Variants in DLGAP1 observed in about 807,000 individuals in gnomAD.
The protein encoded by DLGAP1 is DLG associated protein 1, also known as disks large-associated protein 1.
In DLGAP1, 11 loss-of-function variants were observed where a neutral mutation model predicts 90.8. That is an observed-to-expected ratio of 0.12 (90% CI 0.08 to 0.20). The LOEUF (loss-of-function observed/expected upper bound fraction) is 0.20. Among genes scored for constraint, DLGAP1 ranks in the 10% least tolerant of loss-of-function variants. DLGAP1 has a pLI of 1.00. For missense variants in DLGAP1, 1,050 were observed against 1,333.8 expected, an observed-to-expected ratio of 0.79 and a Z score of 3.31; for synonymous variants, 558 against 540.7, an observed-to-expected ratio of 1.03 and a Z score of -0.44.
chr18:4,352,090 A>G (rs1203670815), intron 1 of DLGAP1, among the ~76,000 whole-genome samples: 2 of 152,192 alleles, frequency 1.3e-5, no homozygotes, highest in Admixed American at 6.5e-5. Context: ...GCATCAAGCC[A>G]CCTGTTTGAA....
At chr18:4,240,338 C>T (rs2078506137) in intron 1 of DLGAP1, among the ~76,000 whole-genome samples, 1 of 151,932 alleles carries the variant, frequency 6.6e-6, no homozygotes, top group Non-Finnish European at 1.5e-5. Context: ...AGAATGACCA[C>T]TATAATGCCT....
chr18:4,284,130 G>C (rs142139928), intron 1 of DLGAP1, among the ~76,000 whole-genome samples: 10 of 151,402 alleles, frequency 6.6e-5, no homozygotes, highest in African/African-American at 2.4e-4. Flanking sequence ...TATGATTATA[G>C]GTGCACTATG....
intron 1 of DLGAP1, among the ~76,000 whole-genome samples, chr18:4,335,975 T>C (rs573614397): frequency 2.0e-5 from 3 of 152,342 alleles, no homozygotes; most frequent in African/African-American, 7.2e-5. Flanking sequence ...TATTGGTTGA[T>C]TTCCATTGCC....
At chr18:3,746,528 T>C (rs1399114750) in intron 5 of DLGAP1, among the ~76,000 whole-genome samples, 4 of 152,008 alleles carry the variant, frequency 2.6e-5, no homozygotes, top group Non-Finnish European at 4.4e-5. Flanking sequence ...TTAAGAAAAA[T>C]AGTCATTGTG....
chr18:4,016,414 G>A (rs939441912), intron 2 of DLGAP1, among the ~76,000 whole-genome samples: 1 of 152,198 alleles, frequency 6.6e-6, no homozygotes, highest in Admixed American at 6.5e-5. Context: ...ATATATGGGA[G>A]AGAAGTGGCT....
At chr18:4,110,171 A>G (rs189560035) in intron 2 of DLGAP1, among the ~76,000 whole-genome samples, 2 of 152,326 alleles carry the variant, frequency 1.3e-5, no homozygotes, top group East Asian at 3.9e-4. Flanking sequence ...CCTAGACTAT[A>G]CGGTATAGCA....
chr18:3,688,071 T>C (rs1452415220), intron 7 of DLGAP1, among the ~76,000 whole-genome samples: 1 of 152,052 alleles, frequency 6.6e-6, no homozygotes, highest in Non-Finnish European at 1.5e-5. Flanking sequence ...CACGCCCAGC[T>C]AATTTTTGTA....
At chr18:3,851,702 C>T (rs746852965) in intron 4 of DLGAP1, among the ~76,000 whole-genome samples, 2 of 152,036 alleles carry the variant, frequency 1.3e-5, no homozygotes, top group African/African-American at 2.4e-5. Context: ...ATGAAGAAGA[C>T]CAGTCAGGAA....
intron 3 of DLGAP1, among the ~76,000 whole-genome samples, chr18:3,995,873 A>C (rs1283723533): frequency 6.6e-6 from 1 of 152,130 alleles, no homozygotes; most frequent in Non-Finnish European, 1.5e-5. Context: ...AAAGCATGCT[A>C]AGCTGGAATG....
intron 5 of DLGAP1, among the ~76,000 whole-genome samples, chr18:3,772,563 T>C (rs1435230535): frequency 6.6e-6 from 1 of 150,786 alleles, no homozygotes; most frequent in Non-Finnish European, 1.5e-5. Context: ...CTGTCGTCTT[T>C]TAATATATTT....
At chr18:3,943,386 T>C (rs1004452279) in intron 3 of DLGAP1, among the ~76,000 whole-genome samples, 1 of 152,120 alleles carries the variant, frequency 6.6e-6, no homozygotes, top group Admixed American at 6.6e-5. Flanking sequence ...AAAGAGCTTA[T>C]TCATGTCAAG....
intron 5 of DLGAP1, among the ~76,000 whole-genome samples, chr18:3,809,241 T>G (rs544272234): frequency 6.6e-6 from 1 of 152,214 alleles, no homozygotes; most frequent in East Asian, 1.9e-4. Flanking sequence ...TGGGAGGAGT[T>G]GTAGGGAGAG....
At chr18:4,309,510 A>G (rs1288292246) in intron 1 of DLGAP1, among the ~76,000 whole-genome samples, 1 of 152,232 alleles carries the variant, frequency 6.6e-6, no homozygotes, top group Admixed American at 6.5e-5. Context: ...TGAACTAAGC[A>G]CTAAGAAGAG....
intron 7 of DLGAP1, among the ~76,000 whole-genome samples, chr18:3,726,633 A>T (rs1414122213): frequency 6.6e-6 from 1 of 152,240 alleles, no homozygotes; most frequent in African/African-American, 2.4e-5. Context: ...GTTAGAATCT[A>T]CTATAATGGT....
At chr18:3,803,371 C>T (rs985640123) in intron 5 of DLGAP1, among the ~76,000 whole-genome samples, 11 of 152,186 alleles carry the variant, frequency 7.2e-5, no homozygotes, top group African/African-American at 2.7e-4. Context: ...GCTTTTCAAA[C>T]CCAGGCTCTG....
chr18:3,746,869 C>G (rs1030682973), intron 5 of DLGAP1, among the ~76,000 whole-genome samples: 2 of 152,106 alleles, frequency 1.3e-5, no homozygotes, highest in African/African-American at 4.8e-5. Context: ...GCATTGTGTA[C>G]GATTGCATCT....
intron 1 of DLGAP1, among the ~76,000 whole-genome samples, chr18:4,171,354 T>C (rs1242028545): frequency 6.6e-6 from 1 of 151,890 alleles, no homozygotes; most frequent in Non-Finnish European, 1.5e-5. Flanking sequence ...ACTAACATGG[T>C]GAAACCCCGT....
At chr18:4,139,597 T>C (rs1011453856) in intron 2 of DLGAP1, among the ~76,000 whole-genome samples, 1 of 151,996 alleles carries the variant, frequency 6.6e-6, no homozygotes, top group South Asian at 2.1e-4. Context: ...CTGCCAGCCA[T>C]TGGATGAAAT....
chr18:3,765,347 G>A (rs898893258), intron 5 of DLGAP1, among the ~76,000 whole-genome samples: 29 of 150,450 alleles, frequency 1.9e-4, no homozygotes, highest in East Asian at 1.4e-3. Flanking sequence ...AGCCAGGATG[G>A]TCTCGATCTC....
Sources: gnomAD v4.1 joint callset for allele counts (sites outside exome capture counted in the v4.1 genomes callset) on GRCh38, gnomAD v4.1.1 for gene constraint, MANE v1.5 for transcripts, NCBI Gene and HGNC (gene_info 2026-07-23, HGNC 2026-07-21) for gene names.